The following SMG6 variants were observed in gnomAD, a reference collection of about 807,000 sequenced individuals.
SMG6 encodes telomerase-binding protein EST1A.
Under a neutral mutation model 142.2 loss-of-function variants are expected in SMG6, and 66 were observed. That is an observed-to-expected ratio of 0.46 (90% CI 0.38 to 0.57). SMG6 has a LOEUF of 0.57. Ranked by LOEUF, SMG6 falls within the 20% of genes least tolerant of loss-of-function variation. SMG6 has a pLI of 0.00. For synonymous variants in SMG6, 779 were observed against 702.4 expected (o/e 1.11, Z -1.72); for missense variants, 1,793 against 1,832.0 (o/e 0.98, Z 0.39).
chr17:2,080,835 C>T (rs2068400869), intron 15 of SMG6, among the ~76,000 whole-genome samples: 2 of 152,108 alleles, frequency 1.3e-5, no homozygotes, highest in South Asian at 4.2e-4. Context: ...CAGGGTTTCA[C>T]CATGTTAGCC....
chr17:2,298,968 G>A lies in SMG6; in HGVS notation c.1785C>T (p.Leu595=), dbSNP rs1386611414. 6 of 1,614,184 alleles carry A rather than the reference G, an allele frequency of 3.7e-6. No individual in the cohort carries two copies. The African/African-American group carries it at 5.3e-5, about 14-fold the overall frequency. ...TGCGGTCCCTGGAGAGCAGGTTGCT[G>A]AGCTGCAGTTCCTGGTTGTCAGCCA... is the stretch of plus-strand genomic sequence containing the variant. ...LRVADNQELQ[L]SNLLSRDRIS... is the part of the protein sequence containing the mutation. Residue 595 remains leucine (L), a synonymous_variant, in exon 2 of 19, where the codon CTC becomes CTT. Coordinates refer to ENST00000263073, the MANE Select transcript of SMG6 (RefSeq NM_017575.5).
chr17:2,112,403 G>A (rs568350418), intron 13 of SMG6, among the ~76,000 whole-genome samples: 2 of 151,510 alleles, frequency 1.3e-5, no homozygotes, highest in Admixed American at 6.6e-5. Flanking sequence ...AGCTACTCGG[G>A]AGGCTGAGGC....
In SMG6 at chr17:2,248,930, A is replaced by G. The variant is rs1384346941; in HGVS notation, c.2662-4211T>C. ...GAGACAGAGTCTTGCTCTTTCACCCAGGCTGGAGTGCAGTGGCGCTATCTC... is the reference window on the plus strand; with the variant it reads ...GAGACAGAGTCTTGCTCTTTCACCCGGGCTGGAGTGCAGTGGCGCTATCTC... On this transcript the variant is annotated intron_variant, in intron 8 of 18. Coordinates refer to ENST00000263073, the MANE Select transcript of SMG6 (RefSeq NM_017575.5). 2.0e-5 allele frequency among the ~76,000 whole-genome samples: 3 copies of G among 151,532 alleles called. No individual in the cohort carries two copies. In the East Asian group the frequency reaches 5.8e-4, roughly 29 times the overall value.
intron 12 of SMG6, chr17:2,173,137 C>T (rs2071557144): frequency 6.8e-6 from 3 of 439,050 alleles, no homozygotes; most frequent in Non-Finnish European, 1.3e-5. Flanking sequence ...TTGCCTAATG[C>T]AGGGTCCTGT....
intron 13 of SMG6, among the ~76,000 whole-genome samples, chr17:2,092,749 A>G (rs2068758130): frequency 1.3e-5 from 2 of 152,280 alleles, no homozygotes; most frequent in Non-Finnish European, 2.9e-5. Context: ...AAGAGGCAAG[A>G]CAAGGCAATA....
intron 10 of SMG6, 57 bp from the exon 11 acceptor site, chr17:2,188,572 G>T: frequency 1.4e-6 from 2 of 1,462,732 alleles, no homozygotes; most frequent in South Asian, 1.1e-5. Flanking sequence ...GCACATCACT[G>T]GCCACGTTAC....
intron 13 of SMG6, among the ~76,000 whole-genome samples, chr17:2,166,574 C>T (rs2071345069): frequency 6.6e-6 from 1 of 152,188 alleles, no homozygotes; most frequent in South Asian, 2.1e-4. Context: ...TCTTCCACCT[C>T]AGCCACCTGA....
intron 13 of SMG6, among the ~76,000 whole-genome samples, chr17:2,155,306 C>T (rs775579087): frequency 6.6e-6 from 1 of 152,166 alleles, no homozygotes; most frequent in Non-Finnish European, 1.5e-5. Context: ...AGGTGATCTG[C>T]CCGCCTCAGC....
intron 8 of SMG6, among the ~76,000 whole-genome samples, chr17:2,249,697 G>C (rs572123969): frequency 4.6e-5 from 7 of 152,294 alleles, no homozygotes; most frequent in African/African-American, 2.4e-5. Context: ...TTCTCAAATT[G>C]TGAGGCCACC....
chr17:2,158,848 A>G lies in SMG6; in HGVS notation c.3357+13810T>C, dbSNP rs1221789322. On this transcript the variant is annotated intron_variant, in intron 13 of 18. Coordinates refer to ENST00000263073, the MANE Select transcript of SMG6 (RefSeq NM_017575.5). ...GGGAGGATCCCTTGGGAAACAGAGC[A>G]AGACCCTGTTTCAAAAAAAAAAAAA... Among the ~76,000 whole-genome samples, 3 of 150,458 alleles carry G rather than the reference A, an allele frequency of 2.0e-5. No homozygotes were observed. The East Asian group carries it at 5.8e-4, about 29-fold the overall frequency.
chr17:2,206,819 C>T (rs1210778548), intron 10 of SMG6, among the ~76,000 whole-genome samples: 6 of 151,206 alleles, frequency 4.0e-5, no homozygotes, highest in East Asian at 2.0e-4. Context: ...ACCCTGAAGG[C>T]GGAGGTCACA....
intron 6 of SMG6, among the ~76,000 whole-genome samples, chr17:2,289,941 C>T (rs1228738784): frequency 3.5e-5 from 5 of 141,594 alleles, no homozygotes; most frequent in African/African-American, 1.3e-4. Context: ...TTATTTTATA[C>T]ATATATATAT....
intron 8 of SMG6, among the ~76,000 whole-genome samples, chr17:2,266,806 A>C (rs2074431844): frequency 6.6e-6 from 1 of 152,196 alleles, no homozygotes; most frequent in Non-Finnish European, 1.5e-5. Flanking sequence ...CTCACTACCA[A>C]CCACAAAGAC....
chr17:2,132,601 C>G (rs1252862999), intron 13 of SMG6, among the ~76,000 whole-genome samples: 1 of 152,178 alleles, frequency 6.6e-6, no homozygotes, highest in Non-Finnish European at 1.5e-5. Flanking sequence ...CTTTGAGCCT[C>G]TGGATTCTCT....
At chr17:2,167,379 A>G (rs1411547682) in intron 13 of SMG6, among the ~76,000 whole-genome samples, 1 of 152,200 alleles carries the variant, frequency 6.6e-6, no homozygotes, top group East Asian at 1.9e-4. Context: ...AAAGTGACAT[A>G]TAGGACAAAG....
At chr17:2,224,169 T>C (rs1458029636) in intron 10 of SMG6, among the ~76,000 whole-genome samples, 1 of 152,174 alleles carries the variant, frequency 6.6e-6, no homozygotes, top group Admixed American at 6.5e-5. Flanking sequence ...AAGTGTGGCA[T>C]TACAAACAGC....
Position 2,209,653 on chromosome 17 carries a change from T to C in SMG6, c.2870-21138A>G, listed in dbSNP as rs147129736. Reference sequence around the variant, plus strand: ...TGCTAGGATTACAGGCATGAGCCACTGCACCCAATCTAAATTTTTGTATTT... The same window carrying C: ...TGCTAGGATTACAGGCATGAGCCACCGCACCCAATCTAAATTTTTGTATTT... On this transcript the variant is annotated intron_variant, in intron 10 of 18. Transcript: ENST00000263073. 8.0e-4 allele frequency among the ~76,000 whole-genome samples: 122 copies of C among 152,160 alleles called. 2 individuals are homozygous for C. In the East Asian group the frequency reaches 0.023, roughly 28 times the overall value.
At chr17:2,223,399 G>A (rs1202852039) in intron 10 of SMG6, among the ~76,000 whole-genome samples, 3 of 152,154 alleles carry the variant, frequency 2.0e-5, no homozygotes, top group Admixed American at 6.5e-5. Context: ...GACTAAACAA[G>A]CCAGAACACT....
chr17:2,300,569 T>C lies in SMG6; in HGVS notation c.184A>G (p.Lys62Glu), dbSNP rs1272486300. Reference protein sequence around the residue: ...YKPGLSRLRNKPKIKEPPGSE... With the variant: ...YKPGLSRLRNEPKIKEPPGSE... ...CCAGGGGGTTCCTTGATTTTGGGCT[T>C]GTTCCTTAGCCGAGAAAGGCCAGGC... The change falls in exon 2 of 19, where the codon AAG becomes GAG. Residue 62 changes from lysine to glutamate, a missense_variant. Coordinates refer to ENST00000263073, the MANE Select transcript of SMG6 (RefSeq NM_017575.5). The C allele has an allele frequency of 8.7e-6, 14 of 1,614,078 alleles. No homozygotes were observed. The highest frequency in any genetic ancestry group is 1.2e-5 in the Non-Finnish European group (14 of 1,179,960).
Sources: allele counts gnomAD v4.1 joint callset (sites outside exome capture counted in the v4.1 genomes callset), GRCh38; gene constraint gnomAD v4.1.1; transcripts MANE v1.5; gene names NCBI Gene and HGNC (gene_info 2026-07-23, HGNC 2026-07-21).